KALRN: variants seen among roughly 807,000 people sequenced by gnomAD.
KALRN encodes kalirin RhoGEF kinase.
KALRN carries 70 observed loss-of-function variants against 353.7 expected under a neutral mutation model. That is an observed-to-expected ratio of 0.20 (90% confidence interval 0.16 to 0.24). The LOEUF (loss-of-function observed/expected upper bound fraction) is 0.24, where lower values mean the gene tolerates loss of function less well. Among genes scored for constraint, KALRN ranks in the 10% least tolerant of loss-of-function variants. The pLI, the probability that KALRN is intolerant of heterozygous loss-of-function variation, is 1.00. For synonymous variants in KALRN, 1,391 were observed against 1,434.8 expected (o/e 0.97, Z 0.69); for missense variants, 2,791 against 3,756.7 (o/e 0.74, Z 6.72).
chr3:124,364,116 G>C (rs997562699), intron 10 of KALRN, among the ~76,000 whole-genome samples: 1 of 152,202 alleles, frequency 6.6e-6, no homozygotes, highest in African/African-American at 2.4e-5. Flanking sequence ...CTCCAAGCCA[G>C]CTTGTTCTTG....
In KALRN at chr3:124,334,396, G is replaced by A; in HGVS notation, c.1548G>A (p.Val516=). 6.2e-7 allele frequency: 1 copy of A among 1,614,218 alleles called. No individual in the cohort carries two copies. Among genetic ancestry groups the A allele is most frequent in the African/African-American group, 1.3e-5 (1 of 75,078 alleles). ...AGGTGCTGGACGTGGTGCATGAGGT[G>A]TTACATCACCAGCGACGGCTGGAGA... ...VHQVLDVVHE[V]LHHQRRLESI... is the part of the protein sequence containing the mutation. Residue 516 remains valine, a synonymous_variant, in exon 9 of 60, where the codon GTG becomes GTA. Coordinates refer to ENST00000682506, the MANE Select transcript of KALRN (RefSeq NM_001388419.1). This position sits in a 1 kb window ranked among gnomAD's most constrained non-coding sequence, Gnocchi z 4.2.
intron 25 of KALRN, among the ~76,000 whole-genome samples, chr3:124,466,335 TATTTTGATTGC>T (rs2060343850): frequency 6.6e-6 from 1 of 152,204 alleles, no homozygotes; most frequent in Non-Finnish European, 1.5e-5. Flanking sequence ...GACTTAGACC[TATTTTGATTGC>T]ATTTTATAAG....
intron 10 of KALRN, among the ~76,000 whole-genome samples, chr3:124,352,811 CA>C (rs2082974836): frequency 6.6e-6 from 1 of 151,760 alleles, no homozygotes; most frequent in African/African-American, 2.4e-5. Flanking sequence ...GGGAATTGAA[CA>C]ATGAGAACAC....
chr3:124,092,766 T>C (rs760526812), intron 1 of KALRN, among the ~76,000 whole-genome samples: 6 of 152,254 alleles, frequency 3.9e-5, no homozygotes, highest in Admixed American at 2.0e-4. Flanking sequence ...GGATTTTCTC[T>C]TCTGTATACT....
At chr3:124,306,389 A>G (rs969631823) in intron 6 of KALRN, among the ~76,000 whole-genome samples, 1 of 152,162 alleles carries the variant, frequency 6.6e-6, no homozygotes, top group African/African-American at 2.4e-5. Flanking sequence ...TGACAAGAAA[A>G]AACAGAATTA....
Position 124,243,092 on chromosome 3 carries a change from G to A in KALRN, c.263+8149G>A, listed in dbSNP as rs577711665. ...TGTTCATTTTCCTTGAGTCCGAGAT[G>A]TTTCCTTCACCCACCTGCCTGTCTG... On this transcript the variant is annotated intron_variant, in intron 3 of 59. Coordinates refer to ENST00000682506, the MANE Select transcript of KALRN (RefSeq NM_001388419.1). 3.9e-5 allele frequency among the ~76,000 whole-genome samples: 6 copies of A among 152,306 alleles called. No homozygotes were observed. The South Asian group carries it at 1.0e-3, about 26-fold the overall frequency.
At chr3:124,384,351 A>G (rs1315162417) in intron 10 of KALRN, among the ~76,000 whole-genome samples, 3 of 152,148 alleles carry the variant, frequency 2.0e-5, no homozygotes, top group African/African-American at 7.2e-5. Context: ...CTTCCCCTCC[A>G]AAGAAATAGC....
At chr3:124,278,540 T>C (rs773229187) in intron 5 of KALRN, among the ~76,000 whole-genome samples, 12 of 150,678 alleles carry the variant, frequency 8.0e-5, no homozygotes, top group Non-Finnish European at 1.5e-4. Context: ...TCAACAGACA[T>C]TGAGTGTCTA....
chr3:124,430,870 G>T (rs2093239541), intron 16 of KALRN, 95 bp downstream of exon 16: 1 of 1,437,844 alleles, frequency 7.0e-7, no homozygotes, highest in East Asian at 2.5e-5. Context: ...CCTTCAGGCA[G>T]CGAAGGCTGT....
At chr3:124,430,797 A>G in intron 16 of KALRN, 22 bp downstream of exon 16, 1 of 1,611,562 alleles carries the variant, frequency 6.2e-7, no homozygotes, top group South Asian at 1.1e-5. Context: ...ATCTGGCTGC[A>G]CTGTCCTCCC....
At position 124,666,431 on chromosome 3, in the gene KALRN, A is replaced by T. The variant is rs1183224211; in HGVS notation, c.6346-18A>T. On this transcript the variant is annotated intron_variant, in intron 45 of 59. Coordinates refer to ENST00000682506, the MANE Select transcript of KALRN (RefSeq NM_001388419.1). ...CCCCATTTTTCATTCACTTCACCCC[A>T]GCCCGTCTTTCCTTCAGGGCACTCT... 2 of 1,612,504 alleles carry T rather than the reference A, an allele frequency of 1.2e-6. No homozygotes were observed. Among genetic ancestry groups the T allele is most frequent in the East Asian group, 4.5e-5 (2 of 44,862 alleles).
intron 1 of KALRN, among the ~76,000 whole-genome samples, chr3:124,210,409 A>G (rs1276553155): frequency 2.6e-5 from 4 of 152,276 alleles, no homozygotes; most frequent in East Asian, 1.9e-4. Flanking sequence ...ACATTTTGCA[A>G]TTCACTAAAT....
intron 1 of KALRN, among the ~76,000 whole-genome samples, chr3:124,156,158 T>C (rs2068957597): frequency 6.6e-6 from 1 of 152,194 alleles, no homozygotes; most frequent in South Asian, 2.1e-4. Flanking sequence ...TTAGGGGACT[T>C]GGACCTGGTC....
intron 13 of KALRN, among the ~76,000 whole-genome samples, chr3:124,411,433 C>CTTTTTTTTTTTTTTTTTTTTTT (rs61485429): frequency 3.9e-5 from 2 of 51,480 alleles, no homozygotes; most frequent in African/African-American, 6.3e-5. Context: ...TTAAATTATG[C>CTTTTTTTTTTTTTTTTTTTTTT]TTTTTTTTTT....
chr3:124,051,146 C>G (rs1296582219), intron 1 of KALRN, among the ~76,000 whole-genome samples: 2 of 152,174 alleles, frequency 1.3e-5, no homozygotes, highest in East Asian at 3.9e-4. Flanking sequence ...GTTGTTGATT[C>G]TTCCAGCAAG....
intron 34 of KALRN, among the ~76,000 whole-genome samples, chr3:124,608,188 G>C (rs1336979189): frequency 6.7e-6 from 1 of 149,386 alleles, no homozygotes; most frequent in African/African-American, 2.5e-5. Flanking sequence ...TTTTTTTTTT[G>C]TAGAGACAGG....
At chr3:124,533,005 A>G (rs1656400074) in intron 33 of KALRN, among the ~76,000 whole-genome samples, 5 of 148,570 alleles carry the variant, frequency 3.4e-5, no homozygotes, top group Non-Finnish European at 1.5e-5. Context: ...TTATATATAA[A>G]TAATAACCTA....
intron 13 of KALRN, among the ~76,000 whole-genome samples, chr3:124,412,415 A>G (rs2092239960): frequency 6.6e-6 from 1 of 152,248 alleles, no homozygotes; most frequent in Non-Finnish European, 1.5e-5. Context: ...AGAGGATGAC[A>G]GTACACATGC....
At chr3:124,623,938 G>A (rs664057) in intron 34 of KALRN, among the ~76,000 whole-genome samples, 44,209 of 152,162 alleles carry the variant, frequency 0.29, 7,796 homozygotes, top group East Asian at 0.59. Flanking sequence ...GCACTTATGT[G>A]TGTTGCATGG....
Sources: gnomAD v4.1 joint callset for allele counts (sites outside exome capture counted in the v4.1 genomes callset) on GRCh38, gnomAD v4.1.1 for gene constraint, Gnocchi (gnomAD v3.1) non-coding constraint, MANE v1.5 for transcripts, NCBI Gene and HGNC (gene_info 2026-07-23, HGNC 2026-07-21) for gene names.